FKBP9: variants seen among roughly 807,000 people sequenced by gnomAD.
FKBP9 encodes the protein FKBP prolyl isomerase 9, also known as peptidyl-prolyl cis-trans isomerase FKBP9.
FKBP9 carries 27 observed loss-of-function variants against 55.6 expected under a neutral mutation model. That is an observed-to-expected ratio of 0.49 (90% CI 0.36 to 0.67). The LOEUF (loss-of-function observed/expected upper bound fraction) is 0.67. Ranked by LOEUF, FKBP9 falls within the 30% of genes least tolerant of loss-of-function variation. FKBP9 has a pLI of 0.00. For synonymous variants in FKBP9, 267 were observed against 296.5 expected (o/e 0.90, Z 1.02); for missense variants, 539 against 742.8 (o/e 0.73, Z 3.19).
At chr7:32,963,001 T>C (rs1206343509) in intron 1 of FKBP9, among the ~76,000 whole-genome samples, 1 of 152,168 alleles carries the variant, frequency 6.6e-6, no homozygotes, top group Non-Finnish European at 1.5e-5. Flanking sequence ...GCAGCCAGCA[T>C]GCAGTGAGTG....
chr7:32,963,559 G>T, intron 1 of FKBP9: 1 of 1,156,906 alleles, frequency 8.6e-7, no homozygotes. Context: ...GGGATACAGC[G>T]GAGGATAAAG....
intron 5 of FKBP9, among the ~76,000 whole-genome samples, chr7:32,981,759 C>G (rs1784479625): frequency 6.6e-6 from 1 of 151,790 alleles, no homozygotes; most frequent in East Asian, 2.0e-4. Context: ...GCCAGGCGTG[C>G]ACTGGCGGGT....
intron 5 of FKBP9, among the ~76,000 whole-genome samples, chr7:32,986,562 C>T (rs959426706): frequency 5.3e-5 from 8 of 152,188 alleles, no homozygotes; most frequent in African/African-American, 1.2e-4. Context: ...AGCTGCTCAG[C>T]GTGGGGTGCT....
At chr7:32,980,189 T>A (rs1242289271) in intron 4 of FKBP9, among the ~76,000 whole-genome samples, 175 bp from the exon 5 acceptor site, 1 of 151,470 alleles carries the variant, frequency 6.6e-6, no homozygotes, top group Non-Finnish European at 1.5e-5. Context: ...TTTTAGATTA[T>A]ACCATCAGCC....
intron 1 of FKBP9, among the ~76,000 whole-genome samples, chr7:32,967,251 A>G (rs1784162151): frequency 2.0e-5 from 3 of 152,098 alleles, no homozygotes. Context: ...AAAACCATCA[A>G]ATTTACCATT....
In FKBP9 at chr7:32,980,395, G is replaced by A. The variant is rs1784451008; in HGVS notation, c.735G>A (p.Val245=). The change falls in exon 5 of 10, where the codon GTG becomes GTA. Residue 245 remains valine, a synonymous_variant. Transcript: ENST00000242209. Reference sequence around the variant, plus strand: ...ACATTCCCGGTCAGGCATCTCTGGTGTTTGATGTTGCATTATTGGACCTCC... The same window carrying A: ...ACATTCCCGGTCAGGCATCTCTGGTATTTGATGTTGCATTATTGGACCTCC... ...GKDIPGQASL[V]FDVALLDLHN... The A allele has an allele frequency of 6.2e-7, 1 of 1,613,348 alleles. No individual in the cohort carries two copies. Among genetic ancestry groups the A allele is most frequent in the Non-Finnish European group, 8.5e-7 (1 of 1,179,622 alleles).
rs774838321 is a variant in FKBP9, at chr7:33,000,098, C to T, written c.1227-17C>T. The T allele has an allele frequency of 1.2e-6, 2 of 1,613,958 alleles. No individual in the cohort carries two copies. The highest frequency in any genetic ancestry group is 2.2e-5 in the East Asian group (1 of 44,892). On this transcript the variant is annotated splice_polypyrimidine_tract_variant and intron_variant, in intron 7 of 9. Transcript: ENST00000242209. ...TGGGTTGGTGACCTAACATGAGGCT[C>T]TTCTGTTTCATTTTAGGTGGAATTT...
At chr7:32,965,830 T>TATATGTGTACAC (rs1554284315) in intron 1 of FKBP9, among the ~76,000 whole-genome samples, 15 of 29,388 alleles carry the variant, frequency 5.1e-4, no homozygotes, top group Non-Finnish European at 8.6e-4. Context: ...TATATATATA[T>TATATGTGTACAC]ATATATATAT....
At chr7:32,968,012 C>T (rs1197877138) in intron 1 of FKBP9, among the ~76,000 whole-genome samples, 2 of 152,218 alleles carry the variant, frequency 1.3e-5, no homozygotes, top group Non-Finnish European at 2.9e-5. Flanking sequence ...ACCTCAGCCT[C>T]CCAAAGTGTT....
intron 8 of FKBP9, chr7:33,002,141 T>TC (rs1186431159): frequency 6.7e-6 from 1 of 149,832 alleles, no homozygotes; most frequent in East Asian, 1.9e-4. Flanking sequence ...TTCTGTTCCT[T>TC]TTTTTTTTTT....
Position 32,996,530 on chromosome 7 carries a change from T to C in FKBP9, c.1226+181T>C, listed in dbSNP as rs557802681. Among the ~76,000 whole-genome samples the C allele has an allele frequency of 1.8e-3, 280 of 152,278 alleles. 1 individual carries two copies. Among genetic ancestry groups the C allele is most frequent in the African/African-American group, 6.5e-3 (269 of 41,560 alleles). On this transcript the variant is annotated intron_variant, in intron 7 of 9. Coordinates refer to ENST00000242209, the MANE Select transcript of FKBP9 (RefSeq NM_007270.5). ...TGTTAAGAGTTTCCTATTAATGGTC[T>C]TGCCCTGCTGCAGGTCATTTTTCAC...
chr7:32,996,482 T>C lies in FKBP9; in HGVS notation c.1226+133T>C, dbSNP rs375292339. On this transcript the variant is annotated intron_variant, in intron 7 of 9. Transcript: ENST00000242209. ...GCTGCCCCACTGCATAGCTCGTGGC[T>C]GCATCACTGCTCAGGTGCATTGTGT... The C allele has an allele frequency of 7.1e-3, 4,506 of 636,294 alleles. 55 individuals are homozygous for C. Among genetic ancestry groups the C allele is most frequent in the South Asian group, 0.025 (1,299 of 51,870 alleles). The allele number at this position is 636,294 out of a possible 1,614,324, so 39.4% of individuals were successfully genotyped here. A position where few individuals can be genotyped will look rare whatever the true frequency, so the allele number is the denominator to read the frequency against.
At chr7:32,980,339 A>G (rs1255402083) in intron 4 of FKBP9, 25 bp from the exon 5 acceptor site, 1 of 1,592,388 alleles carries the variant, frequency 6.3e-7, no homozygotes, top group Non-Finnish European at 8.6e-7. Flanking sequence ...GTCCCGTTTA[A>G]TCATCTTCTC....
intron 1 of FKBP9, among the ~76,000 whole-genome samples, chr7:32,958,274 T>C (rs1174448307): frequency 6.6e-6 from 1 of 152,238 alleles, no homozygotes; most frequent in Non-Finnish European, 1.5e-5. Flanking sequence ...TACAATGAGC[T>C]GTTAACAATG....
intron 6 of FKBP9, among the ~76,000 whole-genome samples, chr7:32,994,726 AT>A (rs1195569719): frequency 6.6e-6 from 1 of 151,920 alleles, no homozygotes; most frequent in African/African-American, 2.4e-5. Context: ...TTTAATGAGA[AT>A]TAAACAATAC....
intron 1 of FKBP9, among the ~76,000 whole-genome samples, chr7:32,972,113 A>C (rs1784264467): frequency 6.6e-6 from 1 of 152,144 alleles, no homozygotes; most frequent in Non-Finnish European, 1.5e-5. Context: ...ATTATAATAA[A>C]TCTGCCAGTT....
At chr7:32,995,380 A>G (rs1173492836) in intron 6 of FKBP9, among the ~76,000 whole-genome samples, 1 of 151,982 alleles carries the variant, frequency 6.6e-6, no homozygotes, top group African/African-American at 2.4e-5. Context: ...GGGCTGGGGG[A>G]TGTATTACAA....
intron 2 of FKBP9, 104 bp downstream of exon 2, chr7:32,974,866 G>A: frequency 2.6e-6 from 3 of 1,134,732 alleles, no homozygotes; most frequent in Admixed American, 2.5e-5. Flanking sequence ...CTTTAGATTG[G>A]GGGAAAATGA....
chr7:32,963,807 G>A (rs1417161875), intron 1 of FKBP9: 1 of 1,224,534 alleles, frequency 8.2e-7, no homozygotes. Flanking sequence ...ATGACCTCTG[G>A]GATCCAGCAC....
Sources: allele counts gnomAD v4.1 joint callset (sites outside exome capture counted in the v4.1 genomes callset), GRCh38; gene constraint gnomAD v4.1.1; transcripts MANE v1.5; gene names NCBI Gene and HGNC (gene_info 2026-07-23, HGNC 2026-07-21).